Variants in QSOX1 observed in about 807,000 individuals in gnomAD.
The protein encoded by QSOX1 is quiescin sulfhydryl oxidase 1, also known as sulfhydryl oxidase 1.
Under a neutral mutation model 76.1 loss-of-function variants are expected in QSOX1, and 40 were observed. The observed-to-expected ratio is 0.53, with a 90% confidence interval of 0.41 to 0.68. The LOEUF is 0.68. QSOX1 is among the 30% of genes least tolerant of loss of function. QSOX1 has a pLI of 0.00. For synonymous variants in QSOX1, 392 were observed against 413.1 expected, an observed-to-expected ratio of 0.95 and a Z score of 0.62; for missense variants, 931 against 974.3, an observed-to-expected ratio of 0.96 and a Z score of 0.59.
intron 1 of QSOX1, among the ~76,000 whole-genome samples, chr1:180,155,551 T>A (rs1375650359): frequency 6.6e-6 from 1 of 152,196 alleles, no homozygotes; most frequent in Non-Finnish European, 1.5e-5. Context: ...GTGGCAGTCC[T>A]CTTCCTCTCG....
At chr1:180,176,127 G>A (rs1017067654) in intron 4 of QSOX1, 94 bp downstream of exon 4, 23 of 1,015,236 alleles carry the variant, frequency 2.3e-5, no homozygotes, top group Non-Finnish European at 3.4e-5. Flanking sequence ...GGGGACCCCA[G>A]TTTATTTTCC....
chr1:180,178,689 G>C (rs1033323110), intron 4 of QSOX1, 105 bp from the exon 5 acceptor site: 1 of 981,988 alleles, frequency 1.0e-6, no homozygotes, highest in Non-Finnish European at 1.6e-6. Context: ...AGGAGGGCGG[G>C]ATGGCCATAC....
At chr1:180,183,493 T>C (rs548013963) in intron 6 of QSOX1, among the ~76,000 whole-genome samples, 3 of 152,210 alleles carry the variant, frequency 2.0e-5, no homozygotes, top group Non-Finnish European at 4.4e-5. Flanking sequence ...ATGTCACTTA[T>C]AGTACCTCAG....
intron 7 of QSOX1, among the ~76,000 whole-genome samples, chr1:180,185,365 C>T (rs17299701): frequency 0.053 from 8,051 of 152,294 alleles, 321 homozygotes; most frequent in Non-Finnish European, 0.083. Flanking sequence ...GGAAGAGGCA[C>T]CCAACTTTCC....
rs147799728 is a variant in QSOX1 at position 180,187,467 on chromosome 1, C to T, written c.1017+1285C>T. ...AGGGAGAGCACCCAGCATGCTTTCC[C>T]GGCATGCCTCAGACACCCCACCACC... On this transcript the variant is annotated intron_variant, in intron 8 of 11. Transcript: ENST00000367602. Among the ~76,000 whole-genome samples the T allele has an allele frequency of 2.1e-3, 325 of 152,322 alleles. 1 individual carries two copies. Among genetic ancestry groups the T allele is most frequent in the African/African-American group, 7.2e-3 (298 of 41,548 alleles).
chr1:180,197,375 C>G lies in QSOX1; in HGVS notation c.*338C>G, dbSNP rs756519833. Reference sequence around the variant, plus strand: ...CTCATTCTCACTGGAGCCTCAGTCTCTCCTGCTTGGTCTTGGCCCTCAACT... The same window carrying G: ...CTCATTCTCACTGGAGCCTCAGTCTGTCCTGCTTGGTCTTGGCCCTCAACT... On this transcript the variant is annotated 3_prime_UTR_variant, in exon 12 of 12. Transcript: ENST00000367602. 3 of 1,613,858 alleles carry G rather than the reference C, an allele frequency of 1.9e-6. No homozygotes were observed. The highest frequency in any genetic ancestry group is 2.5e-6 in the Non-Finnish European group (3 of 1,179,964).
Position 180,198,410 on chromosome 1 carries a change from A to G in QSOX1, c.*1373A>G. 2.2e-6 allele frequency: 1 copy of G among 456,564 alleles called. No individual in the cohort carries two copies. The highest frequency in any genetic ancestry group is 1.5e-5 in the South Asian group (1 of 64,570). The allele number at this position is 456,564 out of a possible 1,614,324, so 28.3% of individuals were successfully genotyped here. A position where few individuals can be genotyped will look rare whatever the true frequency, so the allele number is the denominator to read the frequency against. On this transcript the variant is annotated 3_prime_UTR_variant, in exon 12 of 12. Transcript: ENST00000367602. The stretch of plus-strand genomic sequence containing the variant: ...GTGGGGAGGAGTCAGCCAGGATTAG[A>G]GAGCCTGCCCCTAATCCGGCCTGCT...
rs747297302 is a variant in QSOX1 at position 180,196,571 on chromosome 1, C to A, written c.1778C>A (p.Thr593Asn). 4 of 1,614,106 alleles carry A rather than the reference C, an allele frequency of 2.5e-6. No homozygotes were observed. Among genetic ancestry groups the A allele is most frequent in the Non-Finnish European group, 3.4e-6 (4 of 1,180,048 alleles). Residue 593 changes from threonine to asparagine, a missense_variant, in exon 12 of 12, where the codon ACC (threonine) becomes AAC (asparagine). Thr to Asn is a moderately conservative substitution (Grantham distance 65, BLOSUM62 0). Transcript: ENST00000367602. This position sits in a 1 kb window ranked among gnomAD's most constrained non-coding sequence, Gnocchi z 4.1. ...PEMMKSPTNT[T>N]PHVPAEGPEA... Reference sequence around the variant, plus strand: ...ATGATGAAGTCCCCCACAAACACCACCCCACATGTGCCGGCTGAGGGACCT... The same window carrying A: ...ATGATGAAGTCCCCCACAAACACCAACCCACATGTGCCGGCTGAGGGACCT...
chr1:180,172,113 C>T (rs1662772808), intron 2 of QSOX1, among the ~76,000 whole-genome samples: 5 of 152,110 alleles, frequency 3.3e-5, no homozygotes, highest in Admixed American at 2.6e-4. Context: ...GAAGGAAATG[C>T]GGTTACTCGA....
At chr1:180,171,329 G>A (rs779167697) in intron 2 of QSOX1, among the ~76,000 whole-genome samples, 3 of 152,000 alleles carry the variant, frequency 2.0e-5, no homozygotes, top group Non-Finnish European at 2.9e-5. Context: ...ACTGGATGAC[G>A]GGTTTTTGAA....
chr1:180,172,708 G>A (rs1040744930), intron 2 of QSOX1, among the ~76,000 whole-genome samples: 4 of 152,050 alleles, frequency 2.6e-5, no homozygotes, highest in Admixed American at 6.6e-5. Flanking sequence ...TAGTAGAGAC[G>A]GGGTTTTACC....
In QSOX1 at chr1:180,186,071, T is replaced by C. The variant is rs1407333284; in HGVS notation, c.906T>C (p.Ala302=). Residue 302 remains alanine, a synonymous_variant, in exon 8 of 12, where the codon GCT becomes GCC. Coordinates refer to ENST00000367602, the MANE Select transcript of QSOX1 (RefSeq NM_002826.5). ...TCCTCAGCTCCAAGATCTACATGGCTGACCTGGAATCTGCACTGCACTACA... is the reference window on the plus strand; with the variant it reads ...TCCTCAGCTCCAAGATCTACATGGCCGACCTGGAATCTGCACTGCACTACA... ...KLADRSKIYM[A]DLESALHYIL... 1 of 1,614,050 alleles carries C rather than the reference T, an allele frequency of 6.2e-7. No homozygotes were observed. The highest frequency in any genetic ancestry group is 8.5e-7 in the Non-Finnish European group (1 of 1,179,982).
rs369642360 is a variant in QSOX1, at chr1:180,182,190, C to G, written c.623C>G (p.Ser208Cys). The G allele has an allele frequency of 6.2e-7, 1 of 1,614,032 alleles. No homozygotes were observed. The highest frequency in any genetic ancestry group is 1.3e-5 in the African/African-American group (1 of 74,926). ...TCCCTGCAGGTGGCTCTGGACCTGT[C>G]CCAGCACAAAGGCGTGGCGGTGCGC... ...YLGREVALDLSQHKGVAVRRV... is the reference protein window; with the variant it reads ...YLGREVALDLCQHKGVAVRRV... The change falls in exon 6 of 12, where the codon TCC becomes TGC. Residue 208 changes from serine to cysteine, a missense_variant. Ser to Cys is a moderately radical substitution (Grantham distance 112). Coordinates refer to ENST00000367602, the MANE Select transcript of QSOX1 (RefSeq NM_002826.5).
At chr1:180,176,087 G>A in intron 4 of QSOX1, 54 bp downstream of exon 4, 1 of 1,402,372 alleles carries the variant, frequency 7.1e-7, no homozygotes, top group Non-Finnish European at 9.9e-7. Flanking sequence ...CCCAGGCCTG[G>A]GAGTGAGAGG....
chr1:180,159,701 T>G (rs916440495), intron 1 of QSOX1, among the ~76,000 whole-genome samples: 1 of 152,236 alleles, frequency 6.6e-6, no homozygotes, highest in Admixed American at 6.5e-5. Context: ...AAGATTTGAC[T>G]GTTAACTCAC....
intron 5 of QSOX1, among the ~76,000 whole-genome samples, chr1:180,179,336 G>A (rs547714583): frequency 7.5e-4 from 114 of 152,180 alleles, no homozygotes; most frequent in Non-Finnish European, 1.4e-3. Flanking sequence ...CATTAGCGAC[G>A]CCCTAGCCCC....
chr1:180,165,981 C>T (rs1216238742), intron 1 of QSOX1, among the ~76,000 whole-genome samples: 1 of 152,164 alleles, frequency 6.6e-6, no homozygotes, highest in Non-Finnish European at 1.5e-5. Flanking sequence ...ATACCCTTTA[C>T]CCCAGTCACT....
chr1:180,198,619 G>A lies in QSOX1; in HGVS notation c.*1582G>A, dbSNP rs1572058811. 2 of 353,266 alleles carry A rather than the reference G, an allele frequency of 5.7e-6. No homozygotes were observed. Among genetic ancestry groups the A allele is most frequent in the East Asian group, 7.5e-5 (1 of 13,352 alleles). The allele number at this position is 353,266 out of a possible 1,614,324, so 21.9% of individuals were successfully genotyped here. On this transcript the variant is annotated 3_prime_UTR_variant, in exon 12 of 12. Transcript: ENST00000367602. ...CAGCTGGGGCTGGGGAGGGATGGCA[G>A]TCTCCCTGCATGTTTCCCTCGACCT...
rs187539905 is a variant in QSOX1, at chr1:180,164,934, G to T, written c.266-1557G>T. Among the ~76,000 whole-genome samples the T allele has an allele frequency of 4.1e-3, 621 of 152,202 alleles. 7 individuals carry two copies. The highest frequency in any genetic ancestry group is 6.1e-3 in the Non-Finnish European group (415 of 68,002). On this transcript the variant is annotated intron_variant, in intron 1 of 11. Transcript: ENST00000367602. ...CAGGAGAGGAAGCAGGAGGGGGTTG[G>T]GAAGTGCCACCCTATTTTAAGCAAT...
Sources: allele counts gnomAD v4.1 joint callset (sites outside exome capture counted in the v4.1 genomes callset), GRCh38; gene constraint gnomAD v4.1.1; non-coding constraint Gnocchi (gnomAD v3.1); transcripts MANE v1.5; gene names NCBI Gene and HGNC (gene_info 2026-07-23, HGNC 2026-07-21).